The following PNOC variants were observed in gnomAD, a reference collection of about 807,000 sequenced individuals.
PNOC encodes the protein nociceptin.
PNOC carries 10 observed loss-of-function variants against 15.6 expected under a neutral mutation model. That is an observed-to-expected ratio of 0.64 (90% CI 0.40 to 1.09). The LOEUF (loss-of-function observed/expected upper bound fraction) is 1.09. Ranked by LOEUF, PNOC falls within the 50% of genes least tolerant of loss-of-function variation. The pLI is 0.01. For missense variants in PNOC, 220 were observed against 223.9 expected, an observed-to-expected ratio of 0.98 and a Z score of 0.11; for synonymous variants, 98 against 88.5, an observed-to-expected ratio of 1.11 and a Z score of -0.60.
At chr8:28,335,639 T>C (rs777963219) in intron 2 of PNOC, among the ~76,000 whole-genome samples, 14 of 152,310 alleles carry the variant, frequency 9.2e-5, no homozygotes, top group Non-Finnish European at 1.6e-4. Flanking sequence ...GCGATTCTCC[T>C]GCCTCAGCCT....
At position 28,343,151 on chromosome 8, in the gene PNOC, CTCTAGCTACCAT is replaced by C. The variant is rs1209722271; in HGVS notation, c.*259_*270del. The C allele has an allele frequency of 4.8e-6, 1 of 210,424 alleles. No homozygotes were observed. Among genetic ancestry groups the C allele is most frequent in the African/African-American group, 2.4e-5 (1 of 42,534 alleles). 13.0% of individuals were successfully genotyped at this position (210,424 alleles called of 1,614,324 possible). ...ACATCAGAGTGTATTTTTGTAATTC[CTCTAGCTACCAT>C]TTCAATAGCCCCATCTCTCCTGCTC... On this transcript the variant is annotated 3_prime_UTR_variant, in exon 4 of 4. Transcript: ENST00000301908.
intron 2 of PNOC, among the ~76,000 whole-genome samples, chr8:28,332,837 G>C (rs1423987259): frequency 6.6e-6 from 1 of 152,194 alleles, no homozygotes; most frequent in African/African-American, 2.4e-5. Flanking sequence ...TGTAATCCCA[G>C]CTACTCAGGA....
chr8:28,334,310 A>G (rs1467278258), intron 2 of PNOC, among the ~76,000 whole-genome samples: 1 of 152,158 alleles, frequency 6.6e-6, no homozygotes, highest in Non-Finnish European at 1.5e-5. Flanking sequence ...GTCTTTAACC[A>G]CCGTGTTCTG....
At chr8:28,330,399 T>TTTTTTTTTTA (rs1801307778) in intron 2 of PNOC, among the ~76,000 whole-genome samples, 1 of 104,102 alleles carries the variant, frequency 9.6e-6, no homozygotes, top group Non-Finnish European at 2.1e-5. Context: ...TTATTTTATT[T>TTTTTTTTTTA]TTTTTTTTTT....
chr8:28,337,376 C>G (rs145045036), intron 2 of PNOC, among the ~76,000 whole-genome samples: 1 of 152,072 alleles, frequency 6.6e-6, no homozygotes, highest in African/African-American at 2.4e-5. Context: ...GATAGCTCAC[C>G]GCAACCTCCG....
chr8:28,335,498 T>C (rs868514609), intron 2 of PNOC, among the ~76,000 whole-genome samples: 2 of 152,222 alleles, frequency 1.3e-5, no homozygotes, highest in African/African-American at 4.8e-5. Flanking sequence ...CTGCTTCTAT[T>C]CTTCAGAGAT....
chr8:28,339,578 C>A, intron 3 of PNOC, 87 bp downstream of exon 3: 1 of 1,065,174 alleles, frequency 9.4e-7, no homozygotes, highest in Non-Finnish European at 1.3e-6. Context: ...GAAGCACATT[C>A]ATCTCCCCGC....
chr8:28,324,100 G>A (rs1250273819), intron 1 of PNOC, among the ~76,000 whole-genome samples: 2 of 152,218 alleles, frequency 1.3e-5, no homozygotes. Flanking sequence ...CCACAGGGAG[G>A]TCCTGGCTAG....
chr8:28,324,014 G>C (rs2129852147), intron 1 of PNOC, among the ~76,000 whole-genome samples: 1 of 152,302 alleles, frequency 6.6e-6, no homozygotes, highest in South Asian at 2.1e-4. Flanking sequence ...ATAATCAGTG[G>C]AGTCAATTGT....
intron 2 of PNOC, among the ~76,000 whole-genome samples, chr8:28,330,246 G>A (rs913322275): frequency 7.3e-5 from 11 of 151,298 alleles, no homozygotes; most frequent in Admixed American, 5.3e-4. Flanking sequence ...GTGCCCCTCC[G>A]CATAGCCATT....
chr8:28,328,796 A>G (rs1438596527), intron 1 of PNOC, among the ~76,000 whole-genome samples: 1 of 152,106 alleles, frequency 6.6e-6, no homozygotes, highest in Non-Finnish European at 1.5e-5. Context: ...CTCCCAAGAA[A>G]GCTATCTCTG....
At chr8:28,325,601 G>A (rs1050329921) in intron 1 of PNOC, among the ~76,000 whole-genome samples, 19 of 144,676 alleles carry the variant, frequency 1.3e-4, no homozygotes, top group South Asian at 2.2e-4. Flanking sequence ...GCAGTGAGTC[G>A]AGATCGCGCC....
At chr8:28,341,935 CATCTTGGGGGACTCTTGT>C (rs1563332839) in intron 3 of PNOC, among the ~76,000 whole-genome samples, 8 of 152,200 alleles carry the variant, frequency 5.3e-5, no homozygotes, top group Non-Finnish European at 1.0e-4. Context: ...GAGATGTCTC[CATCTTGGGGGACTCTTGT>C]TACCAATGCT....
At chr8:28,319,188 T>G (rs576108475) in intron 1 of PNOC, among the ~76,000 whole-genome samples, 6 of 152,212 alleles carry the variant, frequency 3.9e-5, no homozygotes, top group African/African-American at 1.4e-4. Context: ...TTAAATGATT[T>G]ATTCAGTACA....
intron 2 of PNOC, among the ~76,000 whole-genome samples, chr8:28,330,277 T>A (rs1175891715): frequency 6.6e-6 from 1 of 151,974 alleles, no homozygotes; most frequent in Non-Finnish European, 1.5e-5. Flanking sequence ...GACTTGAGCA[T>A]CTGCAGATTT....
chr8:28,327,054 C>T (rs1801236638), intron 1 of PNOC, among the ~76,000 whole-genome samples: 1 of 152,192 alleles, frequency 6.6e-6, no homozygotes, highest in Non-Finnish European at 1.5e-5. Context: ...CTACACTGAA[C>T]TCTTTATTAA....
chr8:28,336,790 C>T (rs943951812), intron 2 of PNOC, among the ~76,000 whole-genome samples: 15 of 151,812 alleles, frequency 9.9e-5, no homozygotes, highest in African/African-American at 3.4e-4. Flanking sequence ...TAGGGACCCA[C>T]TTCACCTAAG....
At chr8:28,334,170 G>A (rs1259549772) in intron 2 of PNOC, among the ~76,000 whole-genome samples, 1 of 152,010 alleles carries the variant, frequency 6.6e-6, no homozygotes, top group East Asian at 1.9e-4. Flanking sequence ...TGAGATCCAC[G>A]CCTGTAGAGT....
chr8:28,341,667 GAAAC>G (rs1478617358), intron 3 of PNOC, among the ~76,000 whole-genome samples: 3 of 152,204 alleles, frequency 2.0e-5, no homozygotes, highest in Non-Finnish European at 2.9e-5. Flanking sequence ...GAGAGGCACT[GAAAC>G]AAAGCCAGTA....
Sources: gnomAD v4.1 joint callset for allele counts (sites outside exome capture counted in the v4.1 genomes callset) on GRCh38, gnomAD v4.1.1 for gene constraint, MANE v1.5 for transcripts, NCBI Gene and HGNC (gene_info 2026-07-23, HGNC 2026-07-21) for gene names.